The following VPS50 variants were observed in gnomAD, a reference collection of about 807,000 sequenced individuals.
VPS50 encodes syndetin.
VPS50 carries 70 observed loss-of-function variants against 139.7 expected under a neutral mutation model. That is an observed-to-expected ratio of 0.50 (90% CI 0.41 to 0.61). The LOEUF (loss-of-function observed/expected upper bound fraction) is 0.61. Ranked by LOEUF, VPS50 falls within the 20% of genes least tolerant of loss-of-function variation. VPS50 has a pLI of 0.00. For missense variants in VPS50, 921 were observed against 1,133.7 expected (o/e 0.81, Z 2.69); for synonymous variants, 365 against 376.7 (o/e 0.97, Z 0.36).
chr7:93,349,565 G>A (rs779098219), intron 24 of VPS50, among the ~76,000 whole-genome samples: 4 of 152,214 alleles, frequency 2.6e-5, no homozygotes, highest in Non-Finnish European at 2.9e-5. Context: ...CTGACATCAT[G>A]TAGTGGGAGT....
chr7:93,332,835 T>C (rs1797974560), intron 21 of VPS50, among the ~76,000 whole-genome samples: 1 of 142,240 alleles, frequency 7.0e-6, no homozygotes, highest in South Asian at 2.2e-4. Context: ...CGGATGAATC[T>C]CAAAAGCATT....
At chr7:93,262,210 G>A (rs556674595) in intron 9 of VPS50, among the ~76,000 whole-genome samples, 1 of 152,304 alleles carries the variant, frequency 6.6e-6, no homozygotes, top group African/African-American at 2.4e-5. Context: ...GCAGGAAATT[G>A]AGGGAGCAGG....
intron 20 of VPS50, among the ~76,000 whole-genome samples, chr7:93,319,339 A>G (rs1797531390): frequency 6.6e-6 from 1 of 152,182 alleles, no homozygotes; most frequent in South Asian, 2.1e-4. Flanking sequence ...TCTTGTTTCT[A>G]GTTCTTGTCC....
At chr7:93,232,846 G>A (rs1457891525) in intron 1 of VPS50, among the ~76,000 whole-genome samples, 3 of 152,184 alleles carry the variant, frequency 2.0e-5, no homozygotes, top group Non-Finnish European at 4.4e-5. Flanking sequence ...TATGCGAGCT[G>A]ATAGCCTGGG....
chr7:93,356,411 G>A (rs1400851160), intron 27 of VPS50, among the ~76,000 whole-genome samples: 3 of 152,102 alleles, frequency 2.0e-5, no homozygotes, highest in African/African-American at 7.2e-5. Flanking sequence ...GAGACAGATT[G>A]AATACAGAAA....
chr7:93,259,287 T>C (rs561300013), intron 8 of VPS50: 1 of 288,962 alleles, frequency 3.5e-6, no homozygotes, highest in East Asian at 5.8e-5. Flanking sequence ...GTAGGATTTA[T>C]CCATAAGTCA....
At chr7:93,276,920 T>C (rs1796172850) in intron 12 of VPS50, among the ~76,000 whole-genome samples, 1 of 152,168 alleles carries the variant, frequency 6.6e-6, no homozygotes, top group African/African-American at 2.4e-5. Flanking sequence ...TGAAAAATCA[T>C]GAGCTCTGTT....
chr7:93,304,648 CTG>C (rs202179035), intron 17 of VPS50, among the ~76,000 whole-genome samples: 4 of 151,626 alleles, frequency 2.6e-5, no homozygotes, highest in Non-Finnish European at 5.9e-5. Flanking sequence ...AACCATCAGA[CTG>C]TGTGTGTGTG....
At position 93,253,907 on chromosome 7, in the gene VPS50, C is replaced by A. The variant is rs558137904; in HGVS notation, c.273C>A (p.Asp91Glu). 2 of 1,591,250 alleles carry A rather than the reference C, an allele frequency of 1.3e-6. No homozygotes were observed. The highest frequency in any genetic ancestry group is 1.3e-5 in the African/African-American group (1 of 74,184). The change falls in exon 4 of 28, where the codon GAC (aspartate) becomes GAA (glutamate). Residue 91 changes from aspartate to glutamate, a missense_variant. Asp to Glu is a conservative substitution (Grantham distance 45). This residue lies in a region of VPS50 where 744 missense variants were observed against 930.6 expected (regional missense o/e 0.80). Transcript: ENST00000305866. Reference sequence around the variant, plus strand: ...TGCAAGAATTAGAGGCGTATAGAGACAAATTGAAACAACAGCAAGCTGCAG... The same window carrying A: ...TGCAAGAATTAGAGGCGTATAGAGAAAAATTGAAACAACAGCAAGCTGCAG... ...LNLQELEAYR[D>E]KLKQQQAAVS...
At chr7:93,265,339 C>G (rs182258834) in intron 9 of VPS50, among the ~76,000 whole-genome samples, 2 of 152,238 alleles carry the variant, frequency 1.3e-5, no homozygotes, top group East Asian at 1.9e-4. Context: ...TCTGTTGCAA[C>G]TATTCAACTC....
intron 2 of VPS50, among the ~76,000 whole-genome samples, chr7:93,243,002 T>G (rs1795040907): frequency 6.6e-6 from 1 of 151,936 alleles, no homozygotes; most frequent in Admixed American, 6.6e-5. Flanking sequence ...TATTATTTAT[T>G]TATTTATTTT....
rs754664638 is a variant in VPS50 at position 93,272,647 on chromosome 7, G to A, written c.715G>A (p.Val239Ile). The A allele has an allele frequency of 1.7e-5, 25 of 1,501,850 alleles. No individual in the cohort carries two copies. Among genetic ancestry groups the A allele is most frequent in the Middle Eastern group, 1.7e-4 (1 of 5,824 alleles). 93.0% of individuals were successfully genotyped at this position (1,501,850 alleles called of 1,614,324 possible). A position where few individuals can be genotyped will look rare whatever the true frequency, so the allele number is the denominator to read the frequency against. ...TLEQIEEQLD[V>I]ALSKICKNFD... is the part of the protein sequence containing the mutation. ...TTTAATTATATAGGAACAGCTGGAC[G>A]TAGCTCTTTCCAAAATCTGCAAGAA... Residue 239 changes from valine (V) to isoleucine (I), a missense_variant, in exon 11 of 28, where the codon GTA becomes ATA. Transcript: ENST00000305866.
At chr7:93,293,865 A>C (rs1796720176) in intron 13 of VPS50, among the ~76,000 whole-genome samples, 1 of 152,162 alleles carries the variant, frequency 6.6e-6, no homozygotes, top group Non-Finnish European at 1.5e-5. Context: ...TGGCATTTCC[A>C]AGGACCTTTT....
chr7:93,292,913 CA>C (rs952817189), intron 13 of VPS50, among the ~76,000 whole-genome samples: 1 of 152,096 alleles, frequency 6.6e-6, no homozygotes, highest in Non-Finnish European at 1.5e-5. Context: ...TACTTTTACC[CA>C]AAACTTATAC....
At chr7:93,247,226 G>A (rs1795182822) in intron 2 of VPS50, among the ~76,000 whole-genome samples, 1 of 151,434 alleles carries the variant, frequency 6.6e-6, no homozygotes, top group African/African-American at 2.4e-5. Flanking sequence ...ATTTTTGCCT[G>A]TTTTTGATAT....
At chr7:93,290,807 A>C (rs1031594779) in intron 12 of VPS50, among the ~76,000 whole-genome samples, 1 of 151,984 alleles carries the variant, frequency 6.6e-6, no homozygotes, top group Non-Finnish European at 1.5e-5. Flanking sequence ...CATTATGGGA[A>C]GAAAAAGCCT....
intron 1 of VPS50, 38 bp downstream of exon 1, chr7:93,232,538 TCGGAAG>T: frequency 6.3e-7 from 1 of 1,584,888 alleles, no homozygotes; most frequent in Non-Finnish European, 8.7e-7. Flanking sequence ...TTCCTTCATC[TCGGAAG>T]TGAGAGGAGC....
intron 22 of VPS50, among the ~76,000 whole-genome samples, chr7:93,336,340 A>G (rs1012756300): frequency 7.2e-5 from 11 of 152,234 alleles, no homozygotes; most frequent in Non-Finnish European, 1.2e-4. Context: ...TGTAAATTCA[A>G]TGTAAACTAA....
At chr7:93,344,358 T>C (rs1285657461) in intron 23 of VPS50, among the ~76,000 whole-genome samples, 1 of 152,110 alleles carries the variant, frequency 6.6e-6, no homozygotes, top group Non-Finnish European at 1.5e-5. Context: ...ACAAAGAGAC[T>C]TAGACTCCCA....
Sources: gnomAD v4.1 joint callset for allele counts (sites outside exome capture counted in the v4.1 genomes callset) on GRCh38, gnomAD v4.1.1 for gene constraint, gnomAD v4.1.1 regional missense constraint, MANE v1.5 for transcripts, NCBI Gene and HGNC (gene_info 2026-07-23, HGNC 2026-07-21) for gene names.